SLIT3: variants seen among roughly 807,000 people sequenced by gnomAD.
SLIT3 encodes the protein slit homolog 3 protein.
A neutral mutation model predicts 184.0 loss-of-function variants in SLIT3; 68 were observed. That is an observed-to-expected ratio of 0.37 (90% CI 0.30 to 0.45). SLIT3 has a LOEUF of 0.45. Ranked by LOEUF, SLIT3 falls within the 20% of genes least tolerant of loss-of-function variation. SLIT3 has a pLI of 1.00. For synonymous variants in SLIT3, 831 were observed against 828.6 expected (o/e 1.00, Z -0.05); for missense variants, 1,707 against 2,026.0 (o/e 0.84, Z 3.02).
rs1284430083 is a variant in SLIT3 at position 169,084,449 on chromosome 5, C to T, written c.413+109030G>A. Reference sequence around the variant, plus strand: ...TGGATTACAGGCATGCGCCACCATGCCCAGATTTTTTTTTTTTTTTTTTTT... The same window carrying T: ...TGGATTACAGGCATGCGCCACCATGTCCAGATTTTTTTTTTTTTTTTTTTT... On this transcript the variant is annotated intron_variant, in intron 4 of 35. Transcript: ENST00000519560. Among the ~76,000 whole-genome samples, 3 of 142,698 alleles carry T rather than the reference C, an allele frequency of 2.1e-5. No individual in the cohort carries two copies. The East Asian group carries it at 6.5e-4, about 31-fold the overall frequency. 93.6% of individuals were successfully genotyped at this position (142,698 alleles called of 152,430 possible).
At chr5:168,725,510 G>T (rs1763082126) in intron 20 of SLIT3, among the ~76,000 whole-genome samples, 1 of 152,160 alleles carries the variant, frequency 6.6e-6, no homozygotes, top group Non-Finnish European at 1.5e-5. Context: ...AGCTCCCATA[G>T]CATCCTCTCC....
intron 1 of SLIT3, among the ~76,000 whole-genome samples, chr5:169,260,125 TGAG>T (rs774272028): frequency 2.6e-5 from 4 of 152,018 alleles, no homozygotes; most frequent in Admixed American, 2.0e-4. Context: ...CAACTGCACT[TGAG>T]TAGTCTTAAA....
At chr5:169,163,625 G>T (rs996953592) in intron 4 of SLIT3, among the ~76,000 whole-genome samples, 7 of 152,170 alleles carry the variant, frequency 4.6e-5, no homozygotes, top group African/African-American at 1.7e-4. Flanking sequence ...TTTAATTTCT[G>T]ATTCTCCCTG....
rs764639925 is a variant in SLIT3 at position 169,192,425 on chromosome 5, G to C, written c.413+1054C>G. Among the ~76,000 whole-genome samples, 161 of 82,312 alleles carry C rather than the reference G, an allele frequency of 2.0e-3. 1 individual carries two copies. Among genetic ancestry groups the C allele is most frequent in the Non-Finnish European group, 2.7e-3 (99 of 36,530 alleles). 54.0% of individuals were successfully genotyped at this position (82,312 alleles called of 152,430 possible). A position where few individuals can be genotyped will look rare whatever the true frequency, so the allele number is the denominator to read the frequency against. ...AAATAAATTTATGTATATAGTCTCT[G>C]TGTGTGTGTGTGTGTGTGTGTGTGT... On this transcript the variant is annotated intron_variant, in intron 4 of 35. Transcript: ENST00000519560.
At chr5:168,735,850 T>C (rs1286553529) in intron 20 of SLIT3, among the ~76,000 whole-genome samples, 1 of 152,184 alleles carries the variant, frequency 6.6e-6, no homozygotes, top group African/African-American at 2.4e-5. Context: ...TGCATTTCTC[T>C]TGGAGTCAGC....
chr5:169,278,633 C>T (rs543608647), intron 1 of SLIT3, among the ~76,000 whole-genome samples: 21 of 152,292 alleles, frequency 1.4e-4, no homozygotes, highest in African/African-American at 3.8e-4. Context: ...TCCTCTGACC[C>T]CCCAAGGTCT....
chr5:168,775,770 C>T (rs1163731340), intron 12 of SLIT3, among the ~76,000 whole-genome samples: 2 of 152,106 alleles, frequency 1.3e-5, no homozygotes, highest in Non-Finnish European at 2.9e-5. Flanking sequence ...CCTTCCTATC[C>T]ATGAGGAAGC....
rs564632026 is a variant in SLIT3, at chr5:168,961,159, A to T, written c.414-77823T>A. On this transcript the variant is annotated intron_variant, in intron 4 of 35. Coordinates refer to ENST00000519560, the MANE Select transcript of SLIT3 (RefSeq NM_003062.4). ...TCACTGCTAAAATATCCAGTGAGAG[A>T]CCACTGCGTCTTTGACTGGATCAAA... Among the ~76,000 whole-genome samples the T allele has an allele frequency of 1.1e-4, 17 of 152,280 alleles. No homozygotes were observed. In the South Asian group the frequency reaches 3.1e-3, roughly 28 times the overall value.
At chr5:168,989,547 A>G (rs150309720) in intron 4 of SLIT3, among the ~76,000 whole-genome samples, 1 of 152,340 alleles carries the variant, frequency 6.6e-6, no homozygotes, top group East Asian at 1.9e-4. Context: ...TCTGCATCTA[A>G]TGTAATTCTG....
chr5:168,988,971 C>T (rs80062121), intron 4 of SLIT3, among the ~76,000 whole-genome samples: 6,006 of 152,322 alleles, frequency 0.039, 158 homozygotes, highest in Non-Finnish European at 0.057. Flanking sequence ...TTAACAAATC[C>T]TGCTAAAGCA....
intron 3 of SLIT3, among the ~76,000 whole-genome samples, chr5:169,199,729 G>A (rs903074806): frequency 3.3e-5 from 5 of 152,320 alleles, no homozygotes; most frequent in Middle Eastern, 3.4e-3. Context: ...TTGAACCCAG[G>A]TGCCTGCTGC....
chr5:168,759,650 C>T (rs1334988392), intron 16 of SLIT3, among the ~76,000 whole-genome samples: 1 of 152,214 alleles, frequency 6.6e-6, no homozygotes, highest in Non-Finnish European at 1.5e-5. Context: ...TCGACCCCAG[C>T]TGAGAACGTG....
chr5:168,871,965 C>T (rs762053327), intron 5 of SLIT3, among the ~76,000 whole-genome samples: 10 of 152,136 alleles, frequency 6.6e-5, no homozygotes, highest in South Asian at 2.1e-4. Context: ...AGCACAGCTA[C>T]GGGAATGGGC....
intron 4 of SLIT3, among the ~76,000 whole-genome samples, chr5:169,121,855 G>T (rs1489089416): frequency 6.6e-6 from 1 of 152,192 alleles, no homozygotes. Flanking sequence ...ACGCACATGT[G>T]GTTATGCAGG....
At chr5:169,220,217 C>A (rs1294508280) in intron 3 of SLIT3, among the ~76,000 whole-genome samples, 1 of 152,072 alleles carries the variant, frequency 6.6e-6, no homozygotes, top group Non-Finnish European at 1.5e-5. Context: ...AGCCACTGGT[C>A]CCATGGCGGG....
intron 4 of SLIT3, among the ~76,000 whole-genome samples, chr5:169,082,565 T>C (rs2113166058): frequency 6.8e-6 from 1 of 147,322 alleles, no homozygotes; most frequent in Non-Finnish European, 1.5e-5. Flanking sequence ...GAAAAGTACC[T>C]GTCTCTATGT....
chr5:168,744,486 A>G (rs997920732), intron 20 of SLIT3, among the ~76,000 whole-genome samples: 2 of 152,196 alleles, frequency 1.3e-5, no homozygotes, highest in African/African-American at 4.8e-5. Flanking sequence ...GCCATCTAAG[A>G]CTTTCACAGA....
chr5:168,919,125 T>G (rs1171408047), intron 4 of SLIT3, among the ~76,000 whole-genome samples: 1 of 151,922 alleles, frequency 6.6e-6, no homozygotes, highest in African/African-American at 2.4e-5. Flanking sequence ...CCAAGCGTGG[T>G]GGCGGGTGCC....
At position 168,692,696 on chromosome 5, in the gene SLIT3, C is replaced by G. The variant is rs763904800; in HGVS notation, c.3087G>C (p.Glu1029Asp). Residue 1029 changes from glutamate to aspartate, a missense_variant, in exon 29 of 36, where the codon GAG becomes GAC. Coordinates refer to ENST00000519560, the MANE Select transcript of SLIT3 (RefSeq NM_003062.4). The part of the protein sequence containing the change: ...VCICPPNYTG[E>D]LCDEVIDHCV... ...AGTGGTCAATCACCTCGTCGCATAG[C>G]TCACCTGGCACAGATGGGGGAGATA... 2.5e-6 allele frequency: 4 copies of G among 1,613,496 alleles called. No homozygotes were observed. Among genetic ancestry groups the G allele is most frequent in the South Asian group, 1.1e-5 (1 of 91,018 alleles).
Sources: allele counts gnomAD v4.1 joint callset (sites outside exome capture counted in the v4.1 genomes callset), GRCh38; gene constraint gnomAD v4.1.1; transcripts MANE v1.5; gene names NCBI Gene and HGNC (gene_info 2026-07-23, HGNC 2026-07-21).